The following MEP1A variants were observed in gnomAD, a reference collection of about 807,000 sequenced individuals.
MEP1A encodes N-benzoyl-L-tyrosyl-P-amino-benzoic acid hydrolase subunit alpha.
MEP1A carries 68 observed loss-of-function variants against 84.5 expected under a neutral mutation model. The observed-to-expected ratio is 0.80, with a 90% confidence interval of 0.66 to 0.98. MEP1A has a LOEUF of 0.98. MEP1A is among the 50% of genes least tolerant of loss of function. MEP1A has a pLI of 0.00. For missense variants in MEP1A, 887 were observed against 919.9 expected (o/e 0.96, Z 0.46); for synonymous variants, 337 against 336.8 (o/e 1.00, Z -0.01).
At chr6:46,840,308 C>G (rs1391981351), downstream of MEP1A, among the ~76,000 whole-genome samples, 6 of 152,214 alleles carry the variant, frequency 3.9e-5, no homozygotes, top group East Asian at 1.2e-3. Context: ...TCAGGTGCAT[C>G]TGTATCCCAG....
intron 13 of MEP1A, among the ~76,000 whole-genome samples, chr6:46,836,565 C>T (rs1473296847): frequency 6.6e-6 from 1 of 152,150 alleles, no homozygotes; most frequent in Non-Finnish European, 1.5e-5. Flanking sequence ...ATTAGCATAG[C>T]CAAGAAATGA....
rs762700833 is a variant in MEP1A at position 46,835,511 on chromosome 6, C to T, written c.2046C>T (p.Asp682=). ...DPCDPNPCQN[D]GICVNVKGMA... is the part of the protein sequence containing the mutation. The stretch of plus-strand genomic sequence containing the variant: ...GTGACCCAAACCCTTGCCAAAATGA[C>T]GGCATCTGTGTGAACGTGAAGGGGA... Residue 682 remains aspartate (D), a synonymous_variant, in exon 13 of 14, where the codon GAC becomes GAT. Transcript: ENST00000230588. The T allele has an allele frequency of 6.8e-5, 109 of 1,613,442 alleles. No homozygotes were observed. The highest frequency in any genetic ancestry group is 4.4e-4 in the South Asian group (40 of 90,966).
rs1158460548 is a variant in MEP1A at position 46,825,095 on chromosome 6, GTATTTAAATAA to G, written c.557-176_557-166del. Among the ~76,000 whole-genome samples the G allele has an allele frequency of 3.5e-3, 338 of 96,214 alleles. 23 individuals are homozygous for G. Among genetic ancestry groups the G allele is most frequent in the African/African-American group, 8.2e-3 (141 of 17,096 alleles). 63.1% of individuals were successfully genotyped at this position (96,214 alleles called of 152,430 possible). On this transcript the variant is annotated intron_variant, in intron 7 of 13. Transcript: ENST00000230588. The stretch of plus-strand genomic sequence containing the variant: ...ATCTATTTAAATATTTATAAATTAT[GTATTTAAATAA>G]ATCTATTTAAATATTTATAAATTAT...
At chr6:46,809,568 A>T in intron 6 of MEP1A, 31 bp downstream of exon 6, 4 of 1,427,340 alleles carry the variant, frequency 2.8e-6, no homozygotes, top group Non-Finnish European at 3.9e-6. Flanking sequence ...AGTGAAAATC[A>T]TGCATACTTT....
chr6:46,795,989 A>G (rs998604396), intron 3 of MEP1A, among the ~76,000 whole-genome samples: 3 of 152,134 alleles, frequency 2.0e-5, no homozygotes, highest in African/African-American at 7.2e-5. Context: ...AGTGGTTTCT[A>G]TGCACATCAG....
chr6:46,805,046 T>C (rs1434265522), intron 5 of MEP1A, among the ~76,000 whole-genome samples: 3 of 152,042 alleles, frequency 2.0e-5, no homozygotes, highest in South Asian at 2.1e-4. Context: ...TGTCATTTCA[T>C]TGAATTTAGT....
rs147448211 is a variant in MEP1A at position 46,838,884 on chromosome 6, G to A, written c.2085-96G>A. On this transcript the variant is annotated intron_variant, in intron 13 of 13. Coordinates refer to ENST00000230588, the MANE Select transcript of MEP1A (RefSeq NM_005588.3). ...GGCACCACGTGGACCTGCTCAGTGA[G>A]CGTTTGCCATTTTTATTGCTGTGGA... 1.5e-3 allele frequency: 1,651 copies of A among 1,076,174 alleles called. 13 individuals are homozygous for A. In the African/African-American group the frequency reaches 0.023, roughly 15 times the overall value. 66.7% of individuals were successfully genotyped at this position (1,076,174 alleles called of 1,614,324 possible).
chr6:46,825,411 C>A lies in MEP1A; in HGVS notation c.696C>A (p.Ile232=). 3.1e-6 allele frequency: 5 copies of A among 1,613,834 alleles called. No individual in the cohort carries two copies. The highest frequency in any genetic ancestry group is 4.2e-6 in the Non-Finnish European group (5 of 1,179,866). ...NASVPTITAK[I]PEFNSIIGQR... The stretch of plus-strand genomic sequence containing the variant: ...GTGTTCCCACCATCACAGCCAAGAT[C>A]CCTGAGTTTAACTCCATTATCGGAC... The change falls in exon 8 of 14, where the codon ATC becomes ATA. Residue 232 remains isoleucine, a synonymous_variant. Transcript: ENST00000230588.
chr6:46,823,592 A>T (rs1448457927), intron 7 of MEP1A, among the ~76,000 whole-genome samples: 1 of 152,252 alleles, frequency 6.6e-6, no homozygotes, highest in East Asian at 1.9e-4. Flanking sequence ...AGCCTGGGCA[A>T]CAGAGCAAAA....
intron 3 of MEP1A, among the ~76,000 whole-genome samples, chr6:46,794,249 C>G (rs1048894967): frequency 1.3e-5 from 2 of 152,182 alleles, no homozygotes; most frequent in Non-Finnish European, 1.5e-5. Context: ...GAGTCATCAT[C>G]TCTGTTTTCT....
Position 46,793,482 on chromosome 6 carries a change from GC to G in MEP1A, c.69+16del, listed in dbSNP as rs759129346. ...CAGCTGTACCGGTAAGTCGAGTCCT[GC>G]TTTTTGGATATTTAGAAATATTAAT... On this transcript the variant is annotated intron_variant, in intron 1 of 13. Transcript: ENST00000230588. 1 of 1,608,174 alleles carries G rather than the reference GC, an allele frequency of 6.2e-7. No homozygotes were observed. Among genetic ancestry groups the G allele is most frequent in the African/African-American group, 1.3e-5 (1 of 74,772 alleles).
intron 6 of MEP1A, among the ~76,000 whole-genome samples, chr6:46,811,794 A>T (rs1211955967): frequency 6.6e-6 from 1 of 152,058 alleles, no homozygotes; most frequent in Admixed American, 6.6e-5. Flanking sequence ...TGTATGTGAA[A>T]CCATCCCTGC....
chr6:46,826,477 A>T lies in MEP1A; in HGVS notation c.902A>T (p.Asp301Val), dbSNP rs768329749. The change falls in exon 9 of 14, where the codon GAT becomes GTT. Residue 301 changes from aspartate (D) to valine (V), a missense_variant. By Grantham distance (152) the Asp-to-Val change is radical. Coordinates refer to ENST00000230588, the MANE Select transcript of MEP1A (RefSeq NM_005588.3). Reference sequence around the variant, plus strand: ...GACAGTGCTCAGGCTGGAGAAGTGGATCACACCTTGTTGGGACAATGCACA... The same window carrying T: ...GACAGTGCTCAGGCTGGAGAAGTGGTTCACACCTTGTTGGGACAATGCACA... The part of the protein sequence containing the change: ...HQDSAQAGEV[D>V]HTLLGQCTGA... The T allele has an allele frequency of 1.9e-6, 3 of 1,594,768 alleles. No individual in the cohort carries two copies. The highest frequency in any genetic ancestry group is 1.7e-6 in the Non-Finnish European group (2 of 1,170,404).
chr6:46,809,571 C>T (rs770514870), intron 6 of MEP1A, 34 bp downstream of exon 6: 10 of 1,401,644 alleles, frequency 7.1e-6, no homozygotes, highest in Non-Finnish European at 1.0e-5. Flanking sequence ...GAAAATCATG[C>T]ATACTTTGGT....
chr6:46,805,522 G>T (rs1181321489), intron 5 of MEP1A, among the ~76,000 whole-genome samples: 1 of 151,752 alleles, frequency 6.6e-6, no homozygotes, highest in East Asian at 1.9e-4. Flanking sequence ...AGTTCTAAGT[G>T]TTCTTTATAT....
chr6:46,825,312 C>A lies in MEP1A; in HGVS notation c.597C>A (p.Ile199=), dbSNP rs372283385. The A allele has an allele frequency of 6.2e-7, 1 of 1,613,434 alleles. No homozygotes were observed. Among genetic ancestry groups the A allele is most frequent in the African/African-American group, 1.3e-5 (1 of 74,824 alleles). The change falls in exon 8 of 14, where the codon ATC becomes ATA. Residue 199 remains isoleucine, a synonymous_variant. Transcript: ENST00000230588. ...TTGACACCTATGATGATAGCTTAAT[C>A]ACAGACCTCAATACACCCTATGATT... ...HNFDTYDDSL[I]TDLNTPYDYE...
chr6:46,824,483 A>ATATTTAAATAAATCTATTTAAATAAATC (rs1009770010), intron 7 of MEP1A, among the ~76,000 whole-genome samples: 1 of 145,048 alleles, frequency 6.9e-6, no homozygotes, highest in African/African-American at 2.5e-5. Flanking sequence ...AATATAATTT[A>ATATTTAAATAAATCTATTTAAATAAATC]TATTTAAATA....
At position 46,835,357 on chromosome 6, in the gene MEP1A, G is replaced by C; in HGVS notation, c.1892G>C (p.Gly631Ala). The C allele has an allele frequency of 6.2e-7, 1 of 1,611,622 alleles. No individual in the cohort carries two copies. Among genetic ancestry groups the C allele is most frequent in the Non-Finnish European group, 8.5e-7 (1 of 1,178,946 alleles). The change falls in exon 13 of 14, where the codon GGA becomes GCA. Residue 631 changes from glycine to alanine, a missense_variant. Physicochemically the swap from Gly to Ala is moderately conservative, Grantham distance 60. Coordinates refer to ENST00000230588, the MANE Select transcript of MEP1A (RefSeq NM_005588.3). ...QEQQVSEEGS[G>A]KAMLEEALPV... The stretch of plus-strand genomic sequence containing the variant: ...CAGCAGGTCTCCGAAGAAGGTTCGG[G>C]AAAGGCCATGTTAGAGGAAGCCCTA...
intron 4 of MEP1A, 49 bp from the exon 5 acceptor site, chr6:46,799,057 T>A (rs375393480): frequency 8.3e-7 from 1 of 1,202,164 alleles, no homozygotes; most frequent in African/African-American, 1.5e-5. Flanking sequence ...GAGGTCAAGG[T>A]GACCTTGAGG....
Sources: allele counts gnomAD v4.1 joint callset (sites outside exome capture counted in the v4.1 genomes callset), GRCh38; gene constraint gnomAD v4.1.1; transcripts MANE v1.5; gene names NCBI Gene and HGNC (gene_info 2026-07-23, HGNC 2026-07-21).